The following DPH6 variants were observed in gnomAD, a reference collection of about 807,000 sequenced individuals.
DPH6 encodes diphthine--ammonia ligase.
Under a neutral mutation model 38.2 loss-of-function variants are expected in DPH6, and 33 were observed. The ratio of observed to expected loss-of-function variants is 0.86; its 90% CI spans 0.65 to 1.15. The LOEUF (loss-of-function observed/expected upper bound fraction) is 1.15. DPH6 is among the 50% of genes most tolerant of loss of function. The probability of loss-of-function intolerance (pLI) is 0.00; values close to 1 mark genes in which losing one functional copy is unlikely to be tolerated. For synonymous variants in DPH6, 108 were observed against 103.0 expected, an observed-to-expected ratio of 1.05 and a Z score of -0.30; for missense variants, 325 against 320.0, an observed-to-expected ratio of 1.02 and a Z score of -0.12.
rs576800126 is a variant in DPH6 at position 35,291,423 on chromosome 15, TCACATAAAC to T, written n.201-70850_201-70842del. Reference sequence around the variant, plus strand: ...TATACATGCTGACAAAAAATAAGCATCACATAAACCAAAAGTGACAAACATCCTAACCTT... The same window carrying T: ...TATACATGCTGACAAAAAATAAGCATCAAAAGTGACAAACATCCTAACCTT... On this transcript the variant is annotated intron_variant and non_coding_transcript_variant, in intron 3 of 3. Transcript: ENST00000560386. 3.2e-3 allele frequency among the ~76,000 whole-genome samples: 485 copies of T among 152,266 alleles called. 4 individuals are homozygous for T. The South Asian group carries it at 0.05, about 16-fold the overall frequency.
intron 3 of DPH6, among the ~76,000 whole-genome samples, chr15:35,470,173 T>C (rs11856704): frequency 0.018 from 2,711 of 152,170 alleles, 82 homozygotes; most frequent in African/African-American, 0.061. Context: ...ACTTCCAGCC[T>C]GGGTGAGAGA....
intron 3 of DPH6, among the ~76,000 whole-genome samples, chr15:35,513,815 C>T (rs1488000436): frequency 6.6e-6 from 1 of 151,918 alleles, no homozygotes; most frequent in African/African-American, 2.4e-5. Flanking sequence ...AACATTATAA[C>T]ACTCGAATAT....
chr15:35,228,095 G>T (rs977704185), intron 3 of DPH6, among the ~76,000 whole-genome samples: 1 of 152,010 alleles, frequency 6.6e-6, no homozygotes, highest in Non-Finnish European at 1.5e-5. Context: ...TGTGTATTCT[G>T]CAGTCATTCA....
At chr15:35,396,795 C>G (rs899068076) in intron 6 of DPH6, among the ~76,000 whole-genome samples, 2 of 152,104 alleles carry the variant, frequency 1.3e-5, no homozygotes, top group Admixed American at 6.6e-5. Context: ...TGTTCCAAAC[C>G]CTTTTGACTT....
intron 1 of DPH6, among the ~76,000 whole-genome samples, chr15:35,544,500 A>AT (rs1433452075): frequency 6.6e-6 from 1 of 152,094 alleles, no homozygotes; most frequent in African/African-American, 2.4e-5. Flanking sequence ...TTAAAGTATA[A>AT]TAAAAAAAAA....
chr15:35,418,753 T>C (rs2053466867), intron 5 of DPH6, among the ~76,000 whole-genome samples: 2 of 152,086 alleles, frequency 1.3e-5, no homozygotes, highest in African/African-American at 2.4e-5. Context: ...TTTCAACTTC[T>C]CAGCTGAATT....
intron 3 of DPH6, among the ~76,000 whole-genome samples, chr15:35,245,043 A>G (rs945232756): frequency 6.6e-6 from 1 of 152,090 alleles, no homozygotes; most frequent in African/African-American, 2.4e-5. Context: ...TTTTAGGGGG[A>G]GGCTATTCAT....
At chr15:35,201,662 C>T in the DPH6 span, among the ~76,000 whole-genome samples, 17 of 151,798 alleles carry the variant, frequency 1.1e-4, no homozygotes, top group African/African-American at 3.4e-4. Context: ...ACAAGAGTCT[C>T]GTGCAATTCT....
intron 4 of DPH6, among the ~76,000 whole-genome samples, chr15:35,451,117 T>G (rs1417943885): frequency 6.6e-6 from 1 of 152,148 alleles, no homozygotes; most frequent in Non-Finnish European, 1.5e-5. Flanking sequence ...AAAACTTTCA[T>G]GGGTATCAAA....
At chr15:35,297,694 T>G (rs987077211) in intron 3 of DPH6, among the ~76,000 whole-genome samples, 2 of 152,112 alleles carry the variant, frequency 1.3e-5, no homozygotes, top group African/African-American at 2.4e-5. Flanking sequence ...CCATTTTATA[T>G]CTATAGCTCT....
intron 2 of DPH6, 38 bp downstream of exon 2, chr15:35,542,375 T>C (rs1445838655): frequency 1.3e-6 from 2 of 1,486,630 alleles, no homozygotes; most frequent in East Asian, 2.3e-5. Flanking sequence ...TGGAATTTCA[T>C]TCATTTAGGC....
At chr15:35,192,020 G>A in the DPH6 span, among the ~76,000 whole-genome samples, 2 of 152,138 alleles carry the variant, frequency 1.3e-5, no homozygotes, top group Non-Finnish European at 2.9e-5. Context: ...GGCTTTCTGT[G>A]CAGCAAGCAA....
intron 3 of DPH6, among the ~76,000 whole-genome samples, chr15:35,338,368 G>A (rs1321199724): frequency 6.6e-5 from 10 of 152,044 alleles, no homozygotes; most frequent in Admixed American, 2.0e-4. Context: ...AAAAGTGGGC[G>A]AAGGACATGA....
chr15:35,248,947 G>C (rs1272911618), intron 3 of DPH6, among the ~76,000 whole-genome samples: 1 of 152,112 alleles, frequency 6.6e-6, no homozygotes, highest in Non-Finnish European at 1.5e-5. Flanking sequence ...AGTTTTTCTT[G>C]CTTGCTATAA....
Position 35,371,861 on chromosome 15 carries a change from A to T in DPH6, c.*289T>A, listed in dbSNP as rs2052716371. The stretch of plus-strand genomic sequence containing the variant: ...CTAGTGTGATAAAAAAAGAAATGCT[A>T]CAGAAATGGGGTTTATAGATGAAAT... On this transcript the variant is annotated 3_prime_UTR_variant, in exon 9 of 9. Coordinates refer to ENST00000256538, the MANE Select transcript of DPH6 (RefSeq NM_080650.4). The T allele has an allele frequency of 9.4e-7, 1 of 1,065,728 alleles. No homozygotes were observed. Among genetic ancestry groups the T allele is most frequent in the Non-Finnish European group, 1.1e-6 (1 of 880,660 alleles). 66.0% of individuals were successfully genotyped at this position (1,065,728 alleles called of 1,614,324 possible). A position where few individuals can be genotyped will look rare whatever the true frequency, so the allele number is the denominator to read the frequency against.
In DPH6 at chr15:35,364,581, T is replaced by C. The variant is rs374006156; in HGVS notation, n.207+8940A>G. Among the ~76,000 whole-genome samples the C allele has an allele frequency of 6.4e-4, 98 of 152,254 alleles. 1 individual carries two copies. The South Asian group carries it at 0.02, about 31-fold the overall frequency. On this transcript the variant is annotated intron_variant and non_coding_transcript_variant, in intron 3 of 3. Coordinates refer to the DPH6 transcript ENST00000558973. ...TATTGCTGGGTACAGAATTCTAGGA[T>C]GGCATTTTCATTTAGCACTATAAAA...
intron 6 of DPH6, among the ~76,000 whole-genome samples, chr15:35,394,437 A>G (rs1288345617): frequency 2.0e-5 from 3 of 152,228 alleles, no homozygotes; most frequent in African/African-American, 7.2e-5. Context: ...AAATAATAGT[A>G]CTGATCTCAT....
At chr15:35,183,711 C>G in the DPH6 span, among the ~76,000 whole-genome samples, 3 of 152,112 alleles carry the variant, frequency 2.0e-5, no homozygotes, top group Non-Finnish European at 4.4e-5. Flanking sequence ...GTGTAAGGAT[C>G]AAAGTGATAC....
intron 3 of DPH6, among the ~76,000 whole-genome samples, chr15:35,527,328 T>C (rs928200228): frequency 7.2e-5 from 11 of 152,108 alleles, no homozygotes; most frequent in Admixed American, 5.9e-4. Context: ...AAGAAAGAGA[T>C]ACCCACATTT....
Sources: allele counts gnomAD v4.1 joint callset (sites outside exome capture counted in the v4.1 genomes callset), GRCh38; gene constraint gnomAD v4.1.1; transcripts MANE v1.5; gene names NCBI Gene and HGNC (gene_info 2026-07-23, HGNC 2026-07-21).